Variants in PLS3 observed in about 807,000 individuals in gnomAD.
PLS3 encodes the protein plastin 3, also known as plastin-3.
A neutral mutation model predicts 46.5 loss-of-function variants in PLS3; 11 were observed. The observed-to-expected ratio is 0.24, with a 90% confidence interval of 0.15 to 0.39. PLS3 has a LOEUF of 0.39. PLS3 is among the 10% of genes least tolerant of loss of function. The pLI is 1.00. For synonymous variants in PLS3, 167 were observed against 162.2 expected (o/e 1.03, Z -0.22); for missense variants, 308 against 461.8 (o/e 0.67, Z 3.05).
Position 115,634,913 on chromosome X carries a change from T to C in PLS3, c.615T>C (p.Ser205=), listed in dbSNP as rs1374945004. 8.3e-7 allele frequency: 1 copy of C among 1,207,616 alleles called. No individual in the cohort carries two copies. Among genetic ancestry groups the C allele is most frequent in the African/African-American group, 1.7e-5 (1 of 57,256 alleles). The change falls in exon 7 of 16, where the codon TCT becomes TCC. Residue 205 remains serine (S), a synonymous_variant. Transcript: ENST00000355899. ...ENLNLALNSA[S]AIGCHVVNIG... The stretch of plus-strand genomic sequence containing the variant: ...TGAACTTGGCACTGAACTCTGCTTC[T>C]GCCATTGGGTGTCATGTTGTGAACA...
At chrX:115,624,814 T>G (rs782402036) in intron 3 of PLS3, among the ~76,000 whole-genome samples, 1 of 112,061 alleles carries the variant, frequency 8.9e-6, no homozygotes, top group Admixed American at 9.5e-5. Context: ...TAGGTTAGAA[T>G]ATACATTTTA....
chrX:115,643,123 C>G, intron 9 of PLS3, among the ~76,000 whole-genome samples, 190 bp from the exon 10 acceptor site: 1 of 111,427 alleles, frequency 9.0e-6, no homozygotes, highest in East Asian at 2.8e-4. Context: ...CTGGCGCCAT[C>G]TAGTGTATAT....
chrX:115,571,764 C>G (rs180685712), intron 1 of PLS3, among the ~76,000 whole-genome samples: 21 of 111,934 alleles, frequency 1.9e-4, no homozygotes, highest in African/African-American at 6.2e-4. Context: ...TTATTGAAAA[C>G]TTAAAATGCT....
At chrX:115,578,685 A>G (rs2074262851) in intron 1 of PLS3, among the ~76,000 whole-genome samples, 1 of 84,893 alleles carries the variant, frequency 1.2e-5, no homozygotes, top group Non-Finnish European at 2.3e-5. Flanking sequence ...AGATCACGCC[A>G]CTGCACAAAA....
chrX:115,580,546 C>T (rs2074274163), intron 1 of PLS3, among the ~76,000 whole-genome samples: 1 of 112,213 alleles, frequency 8.9e-6, no homozygotes, highest in South Asian at 3.7e-4. Context: ...GTCAGTATCA[C>T]ACTGTCTTGA....
At chrX:115,626,586 T>G (rs145292352) in intron 3 of PLS3, among the ~76,000 whole-genome samples, 1,818 of 110,418 alleles carry the variant, frequency 0.016, 39 homozygotes, top group African/African-American at 0.057. Flanking sequence ...ACCTGGCCCA[T>G]TTTTACTTTT....
chrX:115,606,619 C>T (rs2074496518), intron 1 of PLS3, among the ~76,000 whole-genome samples: 1 of 111,052 alleles, frequency 9.0e-6, no homozygotes. Flanking sequence ...CTGAGATGGT[C>T]TTACTTTTAA....
intron 1 of PLS3, among the ~76,000 whole-genome samples, chrX:115,587,985 G>A (rs2074321211): frequency 9.0e-6 from 1 of 111,686 alleles, no homozygotes; most frequent in Non-Finnish European, 1.9e-5. Flanking sequence ...TAGTGAAATC[G>A]ACAGTATAAT....
chrX:115,597,637 T>C (rs2074402027), intron 1 of PLS3, among the ~76,000 whole-genome samples: 3 of 112,214 alleles, frequency 2.7e-5, no homozygotes. Context: ...AAATTTTATA[T>C]TATGTTATCT....
At chrX:115,639,890 G>A (rs2074877441) in intron 8 of PLS3, 1 of 436,396 alleles carries the variant, frequency 2.3e-6, no homozygotes. Flanking sequence ...AGATCATAGA[G>A]GGTTCAGTGT....
Position 115,589,665 on chromosome X carries a change from C to G in PLS3, c.-8-20578C>G, listed in dbSNP as rs185248322. On this transcript the variant is annotated intron_variant, in intron 1 of 15. Coordinates refer to ENST00000355899, the MANE Select transcript of PLS3 (RefSeq NM_005032.7). The stretch of plus-strand genomic sequence containing the variant: ...TACGTGTCACACATGGAAAGTATAC[C>G]TAGTACTGGGTGTGGTGGAGAGCAT... Among the ~76,000 whole-genome samples, 10 of 112,181 alleles carry G rather than the reference C, an allele frequency of 8.9e-5. No homozygotes were observed. The East Asian group carries it at 2.5e-3, about 28-fold the overall frequency.
chrX:115,587,728 C>G (rs1297595972), intron 1 of PLS3, among the ~76,000 whole-genome samples: 1 of 103,001 alleles, frequency 9.7e-6, no homozygotes, highest in African/African-American at 3.6e-5. Flanking sequence ...GAGCGAGACT[C>G]CGTCTCAAAA....
intron 1 of PLS3, among the ~76,000 whole-genome samples, chrX:115,580,300 C>A (rs1204911077): frequency 1.8e-5 from 2 of 111,935 alleles, no homozygotes; most frequent in Non-Finnish European, 3.8e-5. Context: ...ATTTCTCTTT[C>A]CCCCCTAAAG....
intron 1 of PLS3, among the ~76,000 whole-genome samples, chrX:115,579,308 A>G (rs1556631591): frequency 1.8e-5 from 2 of 112,058 alleles, no homozygotes; most frequent in African/African-American, 6.5e-5. Flanking sequence ...TTATTTAACC[A>G]TTCACCCATT....
At chrX:115,637,952 C>T (rs1182491905) in intron 8 of PLS3, among the ~76,000 whole-genome samples, 3 of 111,107 alleles carry the variant, frequency 2.7e-5, no homozygotes, top group Non-Finnish European at 5.7e-5. Flanking sequence ...GTTGTTGTTG[C>T]TGTTGTTGTT....
chrX:115,595,069 A>G (rs1015514443), intron 1 of PLS3, among the ~76,000 whole-genome samples: 9 of 111,740 alleles, frequency 8.1e-5, no homozygotes, highest in Admixed American at 7.6e-4. Flanking sequence ...ATAGCTGCAA[A>G]ATTCTTGCCT....
chrX:115,618,576 A>T (rs1276845666), intron 2 of PLS3, among the ~76,000 whole-genome samples: 3 of 110,383 alleles, frequency 2.7e-5, no homozygotes, highest in African/African-American at 9.9e-5. Context: ...ACAGAATGAG[A>T]CCCTGTCTCT....
Position 115,647,927 on chromosome X carries a change from A to G in PLS3, c.1670A>G (p.Asp557Gly). ...KTISSSLAVV[D>G]LIDAIQPGCI... ...ATCAGCTCCAGTTTGGCAGTTGTGG[A>G]TTTAATTGATGCCATCCAGCCAGGC... is the stretch of plus-strand genomic sequence containing the variant. The change falls in exon 15 of 16, where the codon GAT (aspartate) becomes GGT (glycine). Residue 557 changes from aspartate to glycine, a missense_variant. Asp to Gly is a moderately conservative substitution (Grantham distance 94). Transcript: ENST00000355899. 1 of 1,203,879 alleles carries G rather than the reference A, an allele frequency of 8.3e-7. No individual in the cohort carries two copies. Among genetic ancestry groups the G allele is most frequent in the Non-Finnish European group, 1.1e-6 (1 of 888,289 alleles).
chrX:115,616,267 T>G (rs1310481709), intron 2 of PLS3, among the ~76,000 whole-genome samples: 1 of 112,094 alleles, frequency 8.9e-6, no homozygotes, highest in Non-Finnish European at 1.9e-5. Context: ...AAAATTAAAT[T>G]GTCTTTTTGA....
Sources: allele counts gnomAD v4.1 joint callset (sites outside exome capture counted in the v4.1 genomes callset), GRCh38; gene constraint gnomAD v4.1.1; transcripts MANE v1.5; gene names NCBI Gene and HGNC (gene_info 2026-07-23, HGNC 2026-07-21).